Variants in CLEC4F observed in about 807,000 individuals in gnomAD.
CLEC4F encodes the protein C-type lectin domain family 4 member F, also known as C-type (calcium dependent, carbohydrate-recognition domain) lectin, superfamily member 13.
CLEC4F carries 45 observed loss-of-function variants against 53.4 expected under a neutral mutation model. That is an observed-to-expected ratio of 0.84 (90% confidence interval 0.66 to 1.08). CLEC4F has a LOEUF of 1.08. Ranked by LOEUF, CLEC4F falls within the 50% of genes least tolerant of loss-of-function variation. The pLI, the probability that CLEC4F is intolerant of heterozygous loss-of-function variation, is 0.00. For missense variants in CLEC4F, 753 were observed against 698.2 expected, an observed-to-expected ratio of 1.08 and a Z score of -0.88; for synonymous variants, 245 against 257.5, an observed-to-expected ratio of 0.95 and a Z score of 0.46.
upstream of CLEC4F, among the ~76,000 whole-genome samples, chr2:70,825,034 A>C (rs115224609): frequency 0.021 from 3,203 of 152,296 alleles, 118 homozygotes; most frequent in African/African-American, 0.073. Context: ...CTGGAGATCA[A>C]GGTCAACGCC....
chr2:70,817,492 G>A (rs782634977), intron 3 of CLEC4F, among the ~76,000 whole-genome samples: 3 of 152,124 alleles, frequency 2.0e-5, no homozygotes, highest in Non-Finnish European at 4.4e-5. Flanking sequence ...AATTTTACTG[G>A]AATTTCACCA....
intron 6 of CLEC4F, 32 bp downstream of exon 6, chr2:70,809,707 C>G: frequency 6.5e-7 from 1 of 1,539,536 alleles, no homozygotes. Flanking sequence ...AAGACAGTGC[C>G]TGGGACAGCG....
intron 5 of CLEC4F, chr2:70,811,576 G>C: frequency 3.1e-6 from 1 of 322,616 alleles, no homozygotes; most frequent in South Asian, 2.9e-5. Context: ...CAACAGGGGG[G>C]TAGGCAGTTC....
Position 70,819,844 on chromosome 2 carries a change from G to A in CLEC4F, c.109C>T (p.Leu37Phe), listed in dbSNP as rs781907419. The A allele has an allele frequency of 6.2e-7, 1 of 1,608,652 alleles. No individual in the cohort carries two copies. Among genetic ancestry groups the A allele is most frequent in the South Asian group, 1.1e-5 (1 of 90,048 alleles). ...MAPAAPKIPR[L>F]VQATPAFMAV... ...ATAAATGCCGGGGTAGCCTGAACGA[G>A]CCTCGGTATCTTGGGGGCTGCAGGA... The change falls in exon 2 of 7, where the codon CTC becomes TTC. Residue 37 changes from leucine to phenylalanine, a missense_variant. Physicochemically the swap from Leu to Phe is conservative, Grantham distance 22. Coordinates refer to ENST00000272367, the MANE Select transcript of CLEC4F (RefSeq NM_173535.3).
intron 4 of CLEC4F, among the ~76,000 whole-genome samples, chr2:70,813,621 T>TTCTC (rs1449962926): frequency 6.8e-6 from 1 of 146,068 alleles, no homozygotes; most frequent in Non-Finnish European, 1.5e-5. Flanking sequence ...CTTTCTTTCT[T>TTCTC]TCTTTCTTTC....
Position 70,812,530 on chromosome 2 carries a change from CA to C in CLEC4F, c.1455del (p.Ser485ArgfsTer33). 1.2e-6 allele frequency: 2 copies of C among 1,614,216 alleles called. No homozygotes were observed. Among genetic ancestry groups the C allele is most frequent in the Non-Finnish European group, 1.7e-6 (2 of 1,180,028 alleles). On this transcript the variant is annotated frameshift_variant, in exon 5 of 7. Coordinates refer to ENST00000272367, the MANE Select transcript of CLEC4F (RefSeq NM_173535.3). LOFTEE classifies it high-confidence loss of function. ...FNGGSLYYFS[S>X]VKKSWHEAEQ... ...TCAGCCTCATGCCAAGACTTCTTGACACTAGAAAAATAATATAAGCTTCCAC... is the reference window on the plus strand; with the variant it reads ...TCAGCCTCATGCCAAGACTTCTTGACCTAGAAAAATAATATAAGCTTCCAC...
intron 5 of CLEC4F, chr2:70,811,145 T>C (rs1395541935): frequency 1.2e-5 from 8 of 692,318 alleles, no homozygotes; most frequent in African/African-American, 1.8e-5. Flanking sequence ...TTATGAGCTA[T>C]GCAAAGAAAA....
Position 70,812,300 on chromosome 2 carries a change from T to C in CLEC4F, c.1539+147A>G, listed in dbSNP as rs527846015. On this transcript the variant is annotated intron_variant, in intron 5 of 6. Transcript: ENST00000272367. ...ATTCTACCTCCAGTGCATATGCTCA[T>C]CAGAACTCACTCAATATTTGCTCCC... 9.0e-5 allele frequency: 71 copies of C among 786,826 alleles called. No homozygotes were observed. In the African/African-American group the frequency reaches 1.1e-3, roughly 12 times the overall value. The allele number at this position is 786,826 out of a possible 1,614,324, so 48.7% of individuals were successfully genotyped here.
chr2:70,816,434 T>C lies in CLEC4F; in HGVS notation c.947A>G (p.Glu316Gly). The stretch of plus-strand genomic sequence containing the variant: ...CAAATGACCTCTTAAGAACTGGATC[T>C]CAGCACTAGTGTTGTCAAAACTGCT... Reference protein sequence around the residue: ...IKSSFDNTSAEIQFLRGHLER... With the variant: ...IKSSFDNTSAGIQFLRGHLER... Residue 316 changes from glutamate (E) to glycine (G), a missense_variant, in exon 4 of 7, where the codon GAG becomes GGG. Glu to Gly is a moderately conservative substitution (Grantham distance 98, BLOSUM62 -2). Coordinates refer to ENST00000272367, the MANE Select transcript of CLEC4F (RefSeq NM_173535.3). 1 of 1,614,084 alleles carries C rather than the reference T, an allele frequency of 6.2e-7. No individual in the cohort carries two copies. The highest frequency in any genetic ancestry group is 1.6e-4 in the Middle Eastern group (1 of 6,062).
In CLEC4F at chr2:70,818,681, A is replaced by T. The variant is rs948258551; in HGVS notation, c.268+674T>A. On this transcript the variant is annotated intron_variant, in intron 3 of 6. Coordinates refer to ENST00000272367, the MANE Select transcript of CLEC4F (RefSeq NM_173535.3). ...AGCCGAGATCACGCCACTGCACTCC[A>T]GCCTGGGTGACAGAGCGAGACTCCG... 3.3e-5 allele frequency among the ~76,000 whole-genome samples: 5 copies of T among 152,050 alleles called. No individual in the cohort carries two copies. The East Asian group carries it at 7.7e-4, about 23-fold the overall frequency.
intron 3 of CLEC4F, among the ~76,000 whole-genome samples, chr2:70,817,389 C>A (rs1036815338): frequency 6.6e-6 from 1 of 152,168 alleles, no homozygotes; most frequent in African/African-American, 2.4e-5. Context: ...CAGCTGCCAC[C>A]AGGAGTCATG....
chr2:70,817,178 A>G, intron 3 of CLEC4F, 66 bp from the exon 4 acceptor site: 2 of 1,492,500 alleles, frequency 1.3e-6, no homozygotes, highest in South Asian at 2.6e-5. Context: ...TTTATGGGCC[A>G]CCCAGAGTGT....
At chr2:70,814,708 C>T (rs924772002) in intron 4 of CLEC4F, among the ~76,000 whole-genome samples, 6 of 152,166 alleles carry the variant, frequency 3.9e-5, no homozygotes, top group Admixed American at 3.9e-4. Flanking sequence ...AGAGATCGTA[C>T]AGCCCCAAAG....
At chr2:70,820,652 T>A, upstream of CLEC4F, 1 of 865,822 alleles carries the variant, frequency 1.2e-6, no homozygotes, top group Non-Finnish European at 1.7e-6. Flanking sequence ...CCCTCCCAGC[T>A]CTTCCTCCCT....
Position 70,813,597 on chromosome 2 carries a change from CTCTTTCTTTCTT to C in CLEC4F, c.1388-1011_1388-1000del, listed in dbSNP as rs370418600. Among the ~76,000 whole-genome samples, 309 of 106,266 alleles carry C rather than the reference CTCTTTCTTTCTT, an allele frequency of 2.9e-3. 1 individual carries two copies. Among genetic ancestry groups the C allele is most frequent in the African/African-American group, 8.2e-3 (217 of 26,316 alleles). 69.7% of individuals were successfully genotyped at this position (106,266 alleles called of 152,430 possible). A position where few individuals can be genotyped will look rare whatever the true frequency, so the allele number is the denominator to read the frequency against. ...TCTTTTTCTTTCTCTCTCTTTCTTTCTCTTTCTTTCTTTCTTTCTTTCTTTCTTTCTTTCTTT... is the reference window on the plus strand; with the variant it reads ...TCTTTTTCTTTCTCTCTCTTTCTTTCTCTTTCTTTCTTTCTTTCTTTCTTT... On this transcript the variant is annotated intron_variant, in intron 4 of 6. Transcript: ENST00000272367.
upstream of CLEC4F, among the ~76,000 whole-genome samples, chr2:70,824,001 G>A (rs191260994): frequency 2.3e-4 from 30 of 132,022 alleles, no homozygotes; most frequent in East Asian, 5.0e-3. Context: ...CTGCACTCCA[G>A]CCTGGGTGAC....
intron 4 of CLEC4F, among the ~76,000 whole-genome samples, chr2:70,813,585 C>CTCTCTGTCTT (rs1558612469): frequency 2.7e-5 from 3 of 110,676 alleles, no homozygotes; most frequent in Non-Finnish European, 5.9e-5. Flanking sequence ...TTTTCTTTCT[C>CTCTCTGTCTT]TCTCTTTCTT....
At chr2:70,819,146 C>T (rs1327019954) in intron 3 of CLEC4F, among the ~76,000 whole-genome samples, 4 of 152,164 alleles carry the variant, frequency 2.6e-5, no homozygotes, top group African/African-American at 9.7e-5. Flanking sequence ...GGGGCACACA[C>T]ATATGTCAAA....
In CLEC4F at chr2:70,812,299, A is replaced by G. The variant is rs1676612662; in HGVS notation, c.1539+148T>C. 6.4e-6 allele frequency: 5 copies of G among 781,060 alleles called. No individual in the cohort carries two copies. In the South Asian group the frequency reaches 9.2e-5, roughly 14 times the overall value. 48.4% of individuals were successfully genotyped at this position (781,060 alleles called of 1,614,324 possible). A position where few individuals can be genotyped will look rare whatever the true frequency, so the allele number is the denominator to read the frequency against. On this transcript the variant is annotated intron_variant, in intron 5 of 6. Transcript: ENST00000272367. ...GATTCTACCTCCAGTGCATATGCTCATCAGAACTCACTCAATATTTGCTCC... is the reference window on the plus strand; with the variant it reads ...GATTCTACCTCCAGTGCATATGCTCGTCAGAACTCACTCAATATTTGCTCC...
Sources: gnomAD v4.1 joint callset for allele counts (sites outside exome capture counted in the v4.1 genomes callset) on GRCh38, gnomAD v4.1.1 for gene constraint, MANE v1.5 for transcripts, NCBI Gene and HGNC (gene_info 2026-07-23, HGNC 2026-07-21) for gene names.